Variants in CLTCL1 observed in about 807,000 individuals in gnomAD.
CLTCL1 encodes the protein clathrin heavy chain 2.
CLTCL1 carries 159 observed loss-of-function variants against 190.0 expected under a neutral mutation model. The observed-to-expected ratio is 0.84, with a 90% CI of 0.74 to 0.95. CLTCL1 has a LOEUF of 0.95. Ranked by LOEUF, CLTCL1 falls within the 40% of genes least tolerant of loss-of-function variation. The probability of loss-of-function intolerance (pLI) is 0.00; values close to 1 mark genes in which losing one functional copy is unlikely to be tolerated. For missense variants in CLTCL1, 1,878 were observed against 2,033.4 expected (o/e 0.92, Z 1.47); for synonymous variants, 752 against 769.6 (o/e 0.98, Z 0.38).
chr22:19,240,090 A>T (rs11703755), intron 4 of CLTCL1, among the ~76,000 whole-genome samples: 149 of 151,696 alleles, frequency 9.8e-4, no homozygotes, highest in Non-Finnish European at 2.0e-3. Context: ...CTGAGATTAC[A>T]GATTACAGAT....
Position 19,220,668 on chromosome 22 carries a change from G to A in CLTCL1, c.2797-661C>T, listed in dbSNP as rs1002015556. 5.9e-5 allele frequency among the ~76,000 whole-genome samples: 9 copies of A among 152,322 alleles called. No individual in the cohort carries two copies. The East Asian group carries it at 1.4e-3, about 23-fold the overall frequency. ...GATGCCCGGCACAAGGCTGAGCGGCGTGCACACGTGCTTGCGGATGCAGCG... is the reference window on the plus strand; with the variant it reads ...GATGCCCGGCACAAGGCTGAGCGGCATGCACACGTGCTTGCGGATGCAGCG... On this transcript the variant is annotated intron_variant, in intron 17 of 32. Transcript: ENST00000427926.
chr22:19,183,403 T>C lies in CLTCL1; in HGVS notation c.4814A>G (p.Glu1605Gly), dbSNP rs1477376496. The C allele has an allele frequency of 4.3e-6, 7 of 1,613,258 alleles. No individual in the cohort carries two copies. In the East Asian group the frequency reaches 1.6e-4, roughly 36 times the overall value. Residue 1605 changes from glutamate (E) to glycine (G), a missense_variant, in exon 30 of 33, where the codon GAG becomes GGG. By Grantham distance (98) the Glu-to-Gly change is moderately conservative. Transcript: ENST00000427926. ...CCCGGCACCTACCTTGCTCAGGTAC[T>C]CCCTCATCACCTGGATGAAGTAGGG... ...AMPYFIQVMR[E>G]YLSKVDKLDA... is the part of the protein sequence containing the mutation.
chr22:19,291,516 G>C, intron 1 of CLTCL1, 84 bp downstream of exon 1: 1 of 1,211,118 alleles, frequency 8.3e-7, no homozygotes, highest in Non-Finnish European at 1.1e-6. Context: ...GCTCAGCGGG[G>C]CTGGGGGCGC....
intron 2 of CLTCL1, among the ~76,000 whole-genome samples, chr22:19,256,366 T>TA (rs1555972512): frequency 7.0e-6 from 1 of 143,752 alleles, no homozygotes; most frequent in African/African-American, 2.6e-5. Context: ...TTTTTTTTTT[T>TA]TTTTTTTTGA....
intron 19 of CLTCL1, among the ~76,000 whole-genome samples, chr22:19,211,692 A>G (rs527756395): frequency 1.3e-5 from 2 of 149,414 alleles, no homozygotes; most frequent in South Asian, 2.2e-4. Context: ...GCACGAACCC[A>G]GGAGGCAGAG....
intron 30 of CLTCL1, chr22:19,182,947 ATACTCC>A (rs1212102613): frequency 4.8e-6 from 1 of 209,250 alleles, no homozygotes; most frequent in African/African-American, 2.3e-5. Context: ...GGATCTGTGA[ATACTCC>A]TACTATGTGT....
intron 26 of CLTCL1, 42 bp downstream of exon 26, chr22:19,196,224 G>C: frequency 6.3e-7 from 1 of 1,593,588 alleles, no homozygotes; most frequent in Non-Finnish European, 8.5e-7. Flanking sequence ...AATAGGGCCT[G>C]GCAGAGGCTG....
At chr22:19,213,729 G>A (rs1169398927) in intron 19 of CLTCL1, among the ~76,000 whole-genome samples, 2 of 151,792 alleles carry the variant, frequency 1.3e-5, no homozygotes, top group African/African-American at 4.8e-5. Context: ...TCTTGAAAAT[G>A]CAAAACTAGT....
intron 17 of CLTCL1, among the ~76,000 whole-genome samples, chr22:19,220,794 G>A (rs1248019326): frequency 3.3e-5 from 5 of 152,224 alleles, no homozygotes; most frequent in Non-Finnish European, 4.4e-5. Flanking sequence ...AAATGATTAG[G>A]TAGGAACAGT....
intron 2 of CLTCL1, among the ~76,000 whole-genome samples, chr22:19,265,695 TA>T (rs1555977599): frequency 6.6e-6 from 1 of 152,006 alleles, no homozygotes; most frequent in African/African-American, 2.4e-5. Flanking sequence ...GCAACCACCA[TA>T]AAAATACACA....
chr22:19,201,195 C>T, intron 23 of CLTCL1, 134 bp downstream of exon 23: 3 of 1,093,874 alleles, frequency 2.7e-6, no homozygotes, highest in Non-Finnish European at 2.5e-6. Flanking sequence ...CCTAGAGACT[C>T]TAAGAATCCC....
intron 29 of CLTCL1, among the ~76,000 whole-genome samples, chr22:19,185,770 G>A (rs1052211538): frequency 6.6e-6 from 1 of 152,222 alleles, no homozygotes; most frequent in South Asian, 2.1e-4. Context: ...GAGTGTTGAG[G>A]AGGCTGTGTG....
chr22:19,275,479 AACTTTTGCT>A, intron 2 of CLTCL1, 135 bp downstream of exon 2: 1 of 857,932 alleles, frequency 1.2e-6, no homozygotes, highest in East Asian at 2.7e-5. Flanking sequence ...CACTAAACAT[AACTTTTGCT>A]AAAACTTTTG....
Position 19,185,296 on chromosome 22 carries a change from T to C in CLTCL1, c.4606-1685A>G, listed in dbSNP as rs181377292. ...ACAGTCATTCCTGGCTGACAGCCAC[T>C]GTTCTGGGGGAAGCGCGCTCGGCCA... On this transcript the variant is annotated intron_variant, in intron 29 of 32. Coordinates refer to ENST00000427926, the MANE Select transcript of CLTCL1 (RefSeq NM_007098.4). 4.7e-4 allele frequency among the ~76,000 whole-genome samples: 71 copies of C among 151,652 alleles called. No homozygotes were observed. In the East Asian group the frequency reaches 0.012, roughly 27 times the overall value.
intron 1 of CLTCL1, among the ~76,000 whole-genome samples, chr22:19,282,483 C>T (rs1406463124): frequency 6.6e-6 from 1 of 151,640 alleles, no homozygotes; most frequent in East Asian, 1.9e-4. Flanking sequence ...ACTAAAAATA[C>T]AAAAATTAGC....
At chr22:19,200,821 G>A (rs530550396) in intron 23 of CLTCL1, among the ~76,000 whole-genome samples, 3 of 152,316 alleles carry the variant, frequency 2.0e-5, no homozygotes, top group East Asian at 3.9e-4. Context: ...CAGCCTGGGC[G>A]ACAGAGCTAG....
intron 14 of CLTCL1, 119 bp from the exon 15 acceptor site, chr22:19,222,928 C>G: frequency 1.7e-6 from 2 of 1,195,418 alleles, no homozygotes; most frequent in South Asian, 1.5e-5. Context: ...ACAGGAGACT[C>G]AGAATGAGAC....
chr22:19,265,515 C>T (rs868930815), intron 2 of CLTCL1, among the ~76,000 whole-genome samples: 1 of 151,816 alleles, frequency 6.6e-6, no homozygotes, highest in Non-Finnish European at 1.5e-5. Context: ...ATCTTATTTT[C>T]TCTTTTTTAA....
chr22:19,280,598 C>T (rs1410173903), intron 1 of CLTCL1, among the ~76,000 whole-genome samples: 5 of 151,910 alleles, frequency 3.3e-5, no homozygotes, highest in South Asian at 2.1e-4. Flanking sequence ...GCGGGTGGGT[C>T]GCTTGAGGTC....
Sources: allele counts gnomAD v4.1 joint callset (sites outside exome capture counted in the v4.1 genomes callset), GRCh38; gene constraint gnomAD v4.1.1; transcripts MANE v1.5; gene names NCBI Gene and HGNC (gene_info 2026-07-23, HGNC 2026-07-21).